LPAR4: variants seen among roughly 807,000 people sequenced by gnomAD.
LPAR4 encodes lysophosphatidic acid receptor 4.
A neutral mutation model predicts 9.2 loss-of-function variants in LPAR4; 14 were observed. The ratio of observed to expected loss-of-function variants is 1.51; its 90% CI spans 1.00 to 2.37. The LOEUF (loss-of-function observed/expected upper bound fraction) is 2.37, where lower values mean the gene tolerates loss of function less well. Among genes scored for constraint, LPAR4 ranks in the 30% most tolerant of loss-of-function variants. The pLI is 0.00. For synonymous variants in LPAR4, 131 were observed against 97.9 expected (o/e 1.34, Z -1.99); for missense variants, 251 against 272.1 (o/e 0.92, Z 0.55).
rs1226279467 is a variant in LPAR4, at chrX:78,755,150, T to G, written c.281T>G (p.Phe94Cys). 5.8e-6 allele frequency: 7 copies of G among 1,209,214 alleles called. 1 individual carries two copies. The Admixed American group carries it at 1.3e-4, about 23-fold the overall frequency. ...SDLLFVCTLP[F>C]KIFYNFNRHW... ...TTGCTTTTTGTCTGTACACTACCTT[T>G]TAAAATATTTTACAACTTCAACCGC... The change falls in exon 5 of 5, where the codon TTT becomes TGT. Residue 94 changes from phenylalanine (F) to cysteine (C), a missense_variant. By Grantham distance (205) the Phe-to-Cys change is radical. Coordinates refer to ENST00000614823, the MANE Select transcript of LPAR4 (RefSeq NM_001278000.3).
rs961474606 is a variant in LPAR4, at chrX:78,757,089, A to C, written c.*1107A>C. 3.5e-4 allele frequency: 42 copies of C among 121,215 alleles called. No homozygotes were observed. Among genetic ancestry groups the C allele is most frequent in the African/African-American group, 1.2e-3 (37 of 30,467 alleles). 10.0% of individuals were successfully genotyped at this position (121,215 alleles called of 1,213,427 possible). A position where few individuals can be genotyped will look rare whatever the true frequency, so the allele number is the denominator to read the frequency against. On this transcript the variant is annotated 3_prime_UTR_variant, in exon 5 of 5. Transcript: ENST00000614823. ...TGGATTGGAAGCAAATAAAAAAAAA[A>C]AACAACACATAAACTAAACCAAACC... is the stretch of plus-strand genomic sequence containing the variant.
chrX:78,749,122 G>C (rs1286809462), intron 1 of LPAR4: 3 of 111,762 alleles, frequency 2.7e-5, no homozygotes, highest in African/African-American at 9.7e-5. Flanking sequence ...AAGTTAAAGG[G>C]AGAACCAGGA....
In LPAR4 at chrX:78,756,092, C is replaced by G; in HGVS notation, c.*110C>G. The G allele has an allele frequency of 1.6e-6, 1 of 628,747 alleles. No individual in the cohort carries two copies. The highest frequency in any genetic ancestry group is 3.4e-5 in the East Asian group (1 of 29,498). 51.8% of individuals were successfully genotyped at this position (628,747 alleles called of 1,213,427 possible). On this transcript the variant is annotated 3_prime_UTR_variant, in exon 5 of 5. Transcript: ENST00000614823. ...CTGAGAATAATGCACCAAATCCAGT[C>G]AGATACATTTGTTTGAAGGTATACT...
chrX:78,749,083 G>T (rs1924949680), intron 1 of LPAR4: 1 of 111,517 alleles, frequency 9.0e-6, no homozygotes, highest in Non-Finnish European at 1.9e-5. Flanking sequence ...GAACAATCAG[G>T]CCAGTCTTTC....
Position 78,755,417 on chromosome X carries a change from A to T in LPAR4, c.548A>T (p.Asn183Ile). The change falls in exon 5 of 5, where the codon AAT becomes ATT. Residue 183 changes from asparagine to isoleucine, a missense_variant. Coordinates refer to ENST00000614823, the MANE Select transcript of LPAR4 (RefSeq NM_001278000.3). ...ASLFSTTNVN[N>I]ATTTCFEGFS... ...TTGTTTTCCACCACTAATGTCAACAATGCAACCACCACCTGCTTTGAAGGC... is the reference window on the plus strand; with the variant it reads ...TTGTTTTCCACCACTAATGTCAACATTGCAACCACCACCTGCTTTGAAGGC... 8.3e-7 allele frequency: 1 copy of T among 1,209,841 alleles called. No homozygotes were observed. Among genetic ancestry groups the T allele is most frequent in the Non-Finnish European group, 1.1e-6 (1 of 894,073 alleles).
At position 78,754,842 on chromosome X, in the gene LPAR4, G is replaced by A. The variant is rs1226834367; in HGVS notation, c.-28G>A. On this transcript the variant is annotated 5_prime_UTR_variant, in exon 5 of 5. Transcript: ENST00000614823. ...AGTGTCAGAGTGGTGAACCCCTGCA[G>A]CCAGCAGGCCTCCTGAAAAAAAAGT... 3.5e-6 allele frequency: 4 copies of A among 1,159,318 alleles called. No homozygotes were observed. Among genetic ancestry groups the A allele is most frequent in the Non-Finnish European group, 4.6e-6 (4 of 868,645 alleles).
chrX:78,755,320 A>T lies in LPAR4; in HGVS notation c.451A>T (p.Thr151Ser), dbSNP rs745925466. 2 of 1,209,265 alleles carry T rather than the reference A, an allele frequency of 1.7e-6. No individual in the cohort carries two copies. Among genetic ancestry groups the T allele is most frequent in the Non-Finnish European group, 2.2e-6 (2 of 894,228 alleles). ...VYPFRSRTIR[T>S]RRNSAIVCAG... ...TCCTTTTCGATCTCGTACTATTAGG[A>T]CTAGGAGGAATTCTGCCATTGTGTG... is the stretch of plus-strand genomic sequence containing the variant. Residue 151 changes from threonine (T) to serine (S), a missense_variant, in exon 5 of 5, where the codon ACT becomes TCT. By Grantham distance (58) the Thr-to-Ser change is moderately conservative. Transcript: ENST00000614823.
rs760306667 is a variant in LPAR4 at position 78,755,163 on chromosome X, C to G, written c.294C>G (p.Tyr98Ter). The change falls in exon 5 of 5, where the codon TAC (tyrosine) becomes TAG (stop). Residue 98 changes from tyrosine (Y) to a stop codon, truncating the protein, a stop_gained. Coordinates refer to ENST00000614823, the MANE Select transcript of LPAR4 (RefSeq NM_001278000.3). LOFTEE classifies it high-confidence loss of function. ...FVCTLPFKIF[Y>*]NFNRHWPFGD... ...GTACACTACCTTTTAAAATATTTTA[C>G]AACTTCAACCGCCACTGGCCTTTTG... The G allele has an allele frequency of 1.7e-6, 2 of 1,210,354 alleles. No homozygotes were observed. The highest frequency in any genetic ancestry group is 2.2e-6 in the Non-Finnish European group (2 of 894,398).
chrX:78,755,595 C>T lies in LPAR4; in HGVS notation c.726C>T (p.Thr242=). ...CTGCTACTCTGTCTCAAATTGGGAC[C>T]AATAAGAAAAAAGTACTGAAAATGA... The part of the protein sequence containing the change: ...RKPATLSQIG[T]NKKKVLKMIT... Residue 242 remains threonine (T), a synonymous_variant, in exon 5 of 5, where the codon ACC becomes ACT. Transcript: ENST00000614823. 1 of 1,210,211 alleles carries T rather than the reference C, an allele frequency of 8.3e-7. No individual in the cohort carries two copies. The highest frequency in any genetic ancestry group is 1.1e-6 in the Non-Finnish European group (1 of 894,675).
rs1319952310 is a variant in LPAR4 at position 78,757,274 on chromosome X, A to C, written c.*1292A>C. On this transcript the variant is annotated 3_prime_UTR_variant, in exon 5 of 5. Transcript: ENST00000614823. ...GCACAACGCAGCTACCAAGTGGCTA[A>C]ATTCGTCTCCTGGTTAGGAACAAGT... is the stretch of plus-strand genomic sequence containing the variant. Among the ~76,000 whole-genome samples, 1 of 111,863 alleles carries C rather than the reference A, an allele frequency of 8.9e-6. No individual in the cohort carries two copies. The highest frequency in any genetic ancestry group is 1.9e-5 in the Non-Finnish European group (1 of 53,049).
intron 4 of LPAR4, among the ~76,000 whole-genome samples, chrX:78,752,842 A>G (rs777106418): frequency 8.1e-4 from 90 of 111,179 alleles, no homozygotes; most frequent in Admixed American, 3.1e-3. Context: ...TGATTTGGTT[A>G]TTTATCCTTA....
chrX:78,749,322 A>G (rs1924957919), intron 1 of LPAR4: 1 of 111,837 alleles, frequency 8.9e-6, no homozygotes, highest in African/African-American at 3.2e-5. Context: ...TGGGGGAAGA[A>G]CAAAACCTGT....
Position 78,755,063 on chromosome X carries a change from G to A in LPAR4, c.194G>A (p.Cys65Tyr). The change falls in exon 5 of 5, where the codon TGT becomes TAT. Residue 65 changes from cysteine to tyrosine, a missense_variant. Cys to Tyr is a radical substitution (Grantham distance 194). Coordinates refer to ENST00000614823, the MANE Select transcript of LPAR4 (RefSeq NM_001278000.3). ...AACAGTGTCTCTCTGTTTGTCTTCT[G>A]TTTCCGCATGAAAATGAGAAGTGAG... is the stretch of plus-strand genomic sequence containing the variant. ...ITNSVSLFVFCFRMKMRSETA... is the reference protein window; with the variant it reads ...ITNSVSLFVFYFRMKMRSETA... 1 of 1,209,199 alleles carries A rather than the reference G, an allele frequency of 8.3e-7. No homozygotes were observed.
At position 78,757,011 on chromosome X, in the gene LPAR4, T is replaced by C. The variant is rs999209076; in HGVS notation, c.*1029T>C. The C allele has an allele frequency of 8.3e-6, 1 of 121,051 alleles. No homozygotes were observed. The highest frequency in any genetic ancestry group is 3.3e-5 in the African/African-American group (1 of 30,284). The allele number at this position is 121,051 out of a possible 1,213,427, so 10.0% of individuals were successfully genotyped here. A position where few individuals can be genotyped will look rare whatever the true frequency, so the allele number is the denominator to read the frequency against. On this transcript the variant is annotated 3_prime_UTR_variant, in exon 5 of 5. Transcript: ENST00000614823. ...ATATAACCTGAAAATACTTATTCTT[T>C]CTTATCGAATTTTGGAGCCTAATAT...
Position 78,755,361 on chromosome X carries a change from C to T in LPAR4, c.492C>T (p.Ile164=). Residue 164 remains isoleucine (I), a synonymous_variant, in exon 5 of 5, where the codon ATC becomes ATT. Transcript: ENST00000614823. ...NSAIVCAGVW[I]LVLSGGISAS... Reference sequence around the variant, plus strand: ...CCATTGTGTGTGCTGGTGTCTGGATCCTAGTCCTCAGTGGCGGTATTTCAG... The same window carrying T: ...CCATTGTGTGTGCTGGTGTCTGGATTCTAGTCCTCAGTGGCGGTATTTCAG... 1 of 1,210,808 alleles carries T rather than the reference C, an allele frequency of 8.3e-7. No individual in the cohort carries two copies. The highest frequency in any genetic ancestry group is 1.1e-6 in the Non-Finnish European group (1 of 895,028).
intron 4 of LPAR4, among the ~76,000 whole-genome samples, chrX:78,754,584 C>T (rs1453603943): frequency 1.8e-5 from 2 of 111,544 alleles, no homozygotes; most frequent in Non-Finnish European, 3.8e-5. Context: ...TATAGTATTG[C>T]ACTTATTGTA....
chrX:78,756,541 C>A lies in LPAR4; in HGVS notation c.*559C>A, dbSNP rs576850003. On this transcript the variant is annotated 3_prime_UTR_variant, in exon 5 of 5. Coordinates refer to ENST00000614823, the MANE Select transcript of LPAR4 (RefSeq NM_001278000.3). ...AGAAAACAAATTGCGTTGGCATGTA[C>A]GTGGGTGGGAAGAAAAAGAAAATTA... 3 of 122,158 alleles carry A rather than the reference C, an allele frequency of 2.5e-5. No homozygotes were observed. The South Asian group carries it at 1.1e-3, about 46-fold the overall frequency. The allele number at this position is 122,158 out of a possible 1,213,427, so 10.1% of individuals were successfully genotyped here.
intron 1 of LPAR4, chrX:78,749,120 G>A (rs999211260): frequency 1.8e-5 from 2 of 111,839 alleles, no homozygotes; most frequent in African/African-American, 6.5e-5. Context: ...GCAAGTTAAA[G>A]GGAGAACCAG....
intron 3 of LPAR4, 143 bp downstream of exon 3, chrX:78,750,935 A>G (rs1925038572): frequency 1.8e-5 from 2 of 111,193 alleles, no homozygotes; most frequent in South Asian, 7.6e-4. Context: ...TATGGATTTT[A>G]TGCACTAGTG....
Sources: gnomAD v4.1 joint callset for allele counts (sites outside exome capture counted in the v4.1 genomes callset) on GRCh38, gnomAD v4.1.1 for gene constraint, MANE v1.5 for transcripts, NCBI Gene and HGNC (gene_info 2026-07-23, HGNC 2026-07-21) for gene names.